NIPA1: variants seen among roughly 807,000 people sequenced by gnomAD.
NIPA1 encodes magnesium transporter NIPA1.
Under a neutral mutation model 23.9 loss-of-function variants are expected in NIPA1, and 13 were observed. That is an observed-to-expected ratio of 0.54 (90% CI 0.35 to 0.87). The LOEUF (loss-of-function observed/expected upper bound fraction) is 0.87. Ranked by LOEUF, NIPA1 falls within the 40% of genes least tolerant of loss-of-function variation. The pLI is 0.01. For missense variants in NIPA1, 362 were observed against 429.7 expected (o/e 0.84, Z 1.39); for synonymous variants, 234 against 202.9 (o/e 1.15, Z -1.30).
intron 2 of NIPA1, 30 bp from the exon 3 acceptor site, chr15:22,812,133 C>G (rs769970411): frequency 2.0e-6 from 3 of 1,522,770 alleles, no homozygotes; most frequent in Admixed American, 1.7e-5. Context: ...TCTGTAATTG[C>G]AAGTAGTATC....
intron 1 of NIPA1, among the ~76,000 whole-genome samples, chr15:22,789,673 A>C (rs1894789304): frequency 6.6e-6 from 1 of 152,188 alleles, no homozygotes. Flanking sequence ...GTGGCACCAA[A>C]GTATGTTACC....
At chr15:22,819,434 A>G (rs1240085068) in intron 3 of NIPA1, 2 of 152,170 alleles carry the variant, frequency 1.3e-5, no homozygotes, top group African/African-American at 4.8e-5. Flanking sequence ...GTTCCAATTC[A>G]GATTGTATAC....
intron 1 of NIPA1, among the ~76,000 whole-genome samples, chr15:22,798,238 CT>C (rs10582336): frequency 1.4e-3 from 179 of 124,768 alleles, no homozygotes; most frequent in East Asian, 7.0e-3. Flanking sequence ...TGCTAAAAAT[CT>C]TTTTTTTTTT....
At chr15:22,806,524 T>A in intron 1 of NIPA1, among the ~76,000 whole-genome samples, 1 of 147,866 alleles carries the variant, frequency 6.8e-6, no homozygotes, top group Non-Finnish European at 1.5e-5. Flanking sequence ...CAGCATCCTC[T>A]GCATCCTTCA....
intron 1 of NIPA1, among the ~76,000 whole-genome samples, chr15:22,792,366 C>CTTT (rs59991123): frequency 6.7e-6 from 1 of 149,132 alleles, no homozygotes; most frequent in African/African-American, 2.5e-5. Context: ...AGGCTTTTTT[C>CTTT]TTTTTTTTTT....
chr15:22,798,784 C>T (rs535167204), intron 1 of NIPA1, among the ~76,000 whole-genome samples: 1 of 137,676 alleles, frequency 7.3e-6, no homozygotes, highest in South Asian at 2.3e-4. Context: ...TGCAGTGAGC[C>T]GAGATCGCGC....
chr15:22,793,536 G>A (rs1432397538), intron 1 of NIPA1, among the ~76,000 whole-genome samples: 1 of 151,648 alleles, frequency 6.6e-6, no homozygotes, highest in African/African-American at 2.4e-5. Flanking sequence ...CACCTGCCAG[G>A]TTCAAGGGAT....
At chr15:22,816,425 G>T (rs939234587) in intron 3 of NIPA1, among the ~76,000 whole-genome samples, 10 of 148,532 alleles carry the variant, frequency 6.7e-5, no homozygotes, top group African/African-American at 2.5e-4. Context: ...CTGACCTTGT[G>T]GTCTGCCTGC....
chr15:22,827,199 C>CTT lies in NIPA1; in HGVS notation c.*2961_*2962dup, dbSNP rs1895670529. The CTT allele has an allele frequency of 6.6e-6, 1 of 152,174 alleles. No individual in the cohort carries two copies. The highest frequency in any genetic ancestry group is 2.4e-5 in the African/African-American group (1 of 41,426). The allele number at this position is 152,174 out of a possible 1,614,324, so 9.4% of individuals were successfully genotyped here. A position where few individuals can be genotyped will look rare whatever the true frequency, so the allele number is the denominator to read the frequency against. On this transcript the variant is annotated 3_prime_UTR_variant, in exon 5 of 5. Coordinates refer to ENST00000337435, the MANE Select transcript of NIPA1 (RefSeq NM_144599.5). The stretch of plus-strand genomic sequence containing the variant: ...ATATGCAGATTTCTCTTGATAGATA[C>CTT]TTAAATAGGCTATTTCTCTCCTCTT...
chr15:22,811,786 G>A (rs1239952067), intron 2 of NIPA1, among the ~76,000 whole-genome samples: 3 of 152,170 alleles, frequency 2.0e-5, no homozygotes, highest in Non-Finnish European at 4.4e-5. Context: ...GCCTGTCACC[G>A]TGGCCAGCTG....
At chr15:22,801,892 A>C (rs1188627816) in intron 1 of NIPA1, among the ~76,000 whole-genome samples, 3 of 152,138 alleles carry the variant, frequency 2.0e-5, no homozygotes, top group Admixed American at 2.0e-4. Context: ...AGATGGAATA[A>C]AGAAATAGAA....
chr15:22,798,365 G>A (rs1316324780), intron 1 of NIPA1, among the ~76,000 whole-genome samples: 3 of 147,254 alleles, frequency 2.0e-5, no homozygotes, highest in Admixed American at 6.8e-5. Flanking sequence ...TCAGCCTCCC[G>A]AGTAGCTGGG....
intron 3 of NIPA1, among the ~76,000 whole-genome samples, chr15:22,815,916 A>G (rs1462251452): frequency 6.6e-6 from 1 of 152,162 alleles, no homozygotes. Flanking sequence ...AAAACTCTCA[A>G]TATGCTAGGC....
At chr15:22,804,962 G>A (rs998678071) in intron 1 of NIPA1, among the ~76,000 whole-genome samples, 2 of 151,672 alleles carry the variant, frequency 1.3e-5, no homozygotes, top group African/African-American at 2.4e-5. Flanking sequence ...TCAGCCTCCC[G>A]AGTGAGTAGC....
chr15:22,823,673 G>C (rs1895589272), intron 4 of NIPA1, 55 bp from the exon 5 acceptor site: 1 of 1,547,598 alleles, frequency 6.5e-7, no homozygotes, highest in Non-Finnish European at 8.7e-7. Context: ...TCCACCTCCT[G>C]GGTTGCGGCT....
chr15:22,812,664 A>AG (rs1895343459), intron 3 of NIPA1, among the ~76,000 whole-genome samples: 1 of 151,080 alleles, frequency 6.6e-6, no homozygotes, highest in Non-Finnish European at 1.5e-5. Flanking sequence ...AAAAAAAAAA[A>AG]GAAGATAGAT....
At chr15:22,787,936 GC>G (rs1260422704) in intron 1 of NIPA1, among the ~76,000 whole-genome samples, 1 of 152,076 alleles carries the variant, frequency 6.6e-6, no homozygotes, top group Non-Finnish European at 1.5e-5. Flanking sequence ...TAAAGTGAAA[GC>G]ATAGTGGTCT....
intron 1 of NIPA1, among the ~76,000 whole-genome samples, chr15:22,793,209 C>T (rs55924138): frequency 0.071 from 10,566 of 149,170 alleles, 819 homozygotes; most frequent in African/African-American, 0.19. Flanking sequence ...ATTAGCCGGG[C>T]GTGGTGGCAC....
chr15:22,800,113 A>G (rs989652486), intron 1 of NIPA1, among the ~76,000 whole-genome samples: 1 of 151,964 alleles, frequency 6.6e-6, no homozygotes, highest in African/African-American at 2.4e-5. Context: ...AAACCCCAGC[A>G]TTGCACAATA....
Sources: allele counts gnomAD v4.1 joint callset (sites outside exome capture counted in the v4.1 genomes callset), GRCh38; gene constraint gnomAD v4.1.1; transcripts MANE v1.5; gene names NCBI Gene and HGNC (gene_info 2026-07-23, HGNC 2026-07-21).